Variants in SDK1 observed in about 807,000 individuals in gnomAD.
The protein encoded by SDK1 is protein sidekick-1.
Under a neutral mutation model 245.5 loss-of-function variants are expected in SDK1, and 157 were observed. The observed-to-expected ratio is 0.64, with a 90% CI of 0.56 to 0.73. SDK1 has a LOEUF of 0.73. SDK1 is among the 30% of genes least tolerant of loss of function. The pLI is 0.00. For synonymous variants in SDK1, 1,647 were observed against 1,278.5 expected, an observed-to-expected ratio of 1.29 and a Z score of -6.15; for missense variants, 3,583 against 3,002.3, an observed-to-expected ratio of 1.19 and a Z score of -4.52.
chr7:3,674,076 GA>G (rs375316817), intron 4 of SDK1, among the ~76,000 whole-genome samples: 32 of 152,088 alleles, frequency 2.1e-4, no homozygotes, highest in African/African-American at 7.7e-4. Context: ...GAGAATAGGA[GA>G]AAAAAACATC....
At chr7:3,806,508 G>C (rs1243796205) in intron 4 of SDK1, among the ~76,000 whole-genome samples, 1 of 152,238 alleles carries the variant, frequency 6.6e-6, no homozygotes, top group Non-Finnish European at 1.5e-5. Flanking sequence ...TCTCCACCCA[G>C]CAGAGACCGT....
chr7:3,693,347 A>T (rs1784486165), intron 4 of SDK1, among the ~76,000 whole-genome samples: 1 of 152,162 alleles, frequency 6.6e-6, no homozygotes, highest in South Asian at 2.1e-4. Context: ...ATTGTTTCAT[A>T]GTGTTACTTC....
At chr7:3,498,293 T>C (rs1782086399) in intron 1 of SDK1, among the ~76,000 whole-genome samples, 1 of 152,120 alleles carries the variant, frequency 6.6e-6, no homozygotes, top group South Asian at 2.1e-4. Context: ...TTTGCTAGAG[T>C]TTAAAACTTA....
chr7:4,262,122 C>T (rs1222091008), intron 44 of SDK1, among the ~76,000 whole-genome samples: 1 of 136,762 alleles, frequency 7.3e-6, no homozygotes, highest in African/African-American at 2.7e-5. Flanking sequence ...CTCAAGAATC[C>T]CTTGAACCCG....
At chr7:3,498,039 AAACT>A (rs1782079743) in intron 1 of SDK1, among the ~76,000 whole-genome samples, 2 of 152,226 alleles carry the variant, frequency 1.3e-5, no homozygotes, top group Admixed American at 6.5e-5. Flanking sequence ...TGATTTAAAG[AAACT>A]AACACTCCAA....
In SDK1 at chr7:3,872,154, T is replaced by G. The variant is rs115436667; in HGVS notation, c.847+50571T>G. The stretch of plus-strand genomic sequence containing the variant: ...ATGAATCCCAATTGGTAATAATATG[T>G]TATTCTTTCGTGTACTTTTATATAT... On this transcript the variant is annotated intron_variant, in intron 5 of 44. Coordinates refer to ENST00000404826, the MANE Select transcript of SDK1 (RefSeq NM_152744.4). Among the ~76,000 whole-genome samples the G allele has an allele frequency of 2.6e-5, 4 of 152,288 alleles. No homozygotes were observed. The South Asian group carries it at 8.3e-4, about 32-fold the overall frequency.
chr7:3,667,225 T>A (rs1972765), intron 4 of SDK1, among the ~76,000 whole-genome samples: 51,894 of 152,122 alleles, frequency 0.34, 8,974 homozygotes, highest in East Asian at 0.38. Flanking sequence ...TGTGTTCAAA[T>A]GTAATTTTAT....
chr7:3,784,205 C>T (rs564374798), intron 4 of SDK1, among the ~76,000 whole-genome samples: 44 of 151,604 alleles, frequency 2.9e-4, no homozygotes, highest in Non-Finnish European at 5.0e-4. Flanking sequence ...AGGCATGACC[C>T]CCATGCCTGG....
chr7:3,962,547 C>A, intron 8 of SDK1, 110 bp from the exon 9 acceptor site: 1 of 988,048 alleles, frequency 1.0e-6, no homozygotes, highest in Non-Finnish European at 1.5e-6. Context: ...CACGAATACA[C>A]AAGAAAATGC....
rs773096991 is a variant in SDK1, at chr7:3,437,511, C to CT, written c.298+135629dup. Among the ~76,000 whole-genome samples, 182 of 152,138 alleles carry CT rather than the reference C, an allele frequency of 1.2e-3. 3 individuals are homozygous for CT. Among genetic ancestry groups the CT allele is most frequent in the Non-Finnish European group, 4.0e-4 (27 of 68,030 alleles). On this transcript the variant is annotated intron_variant, in intron 1 of 44. Transcript: ENST00000404826. ...GATCGGCTGGGTGCAGTGGCTCACA[C>CT]TTGTAATCTCAGAGCTTTGGGAAGC... is the stretch of plus-strand genomic sequence containing the variant.
chr7:4,189,706 C>T lies in SDK1; in HGVS notation c.5098+11120C>T, dbSNP rs139515242. On this transcript the variant is annotated intron_variant, in intron 35 of 44. Coordinates refer to ENST00000404826, the MANE Select transcript of SDK1 (RefSeq NM_152744.4). ...AAATACAAAAATTAGCTGGATATCG[C>T]TTGAACCCAGGAAGCAGAGGTTGTA... Among the ~76,000 whole-genome samples, 356 of 152,262 alleles carry T rather than the reference C, an allele frequency of 2.3e-3. 1 individual carries two copies. The highest frequency in any genetic ancestry group is 7.7e-3 in the African/African-American group (318 of 41,544).
intron 5 of SDK1, among the ~76,000 whole-genome samples, chr7:3,878,993 A>C (rs540308054): frequency 7.9e-5 from 12 of 152,316 alleles, no homozygotes; most frequent in African/African-American, 2.6e-4. Flanking sequence ...ATAATGAAAA[A>C]TGTAAAATTG....
intron 2 of SDK1, among the ~76,000 whole-genome samples, chr7:3,630,132 G>A (rs936389357): frequency 2.6e-5 from 4 of 152,184 alleles, no homozygotes; most frequent in Non-Finnish European, 5.9e-5. Flanking sequence ...CAAATGAGTT[G>A]TGGGAAAGCT....
intron 40 of SDK1, among the ~76,000 whole-genome samples, chr7:4,225,078 C>G (rs1206231570): frequency 6.6e-6 from 1 of 150,798 alleles, no homozygotes; most frequent in East Asian, 2.0e-4. Flanking sequence ...TCCCTGAACG[C>G]CTGCCTCCCT....
chr7:3,533,646 A>C (rs1783422292), intron 1 of SDK1, among the ~76,000 whole-genome samples: 1 of 151,984 alleles, frequency 6.6e-6, no homozygotes, highest in African/African-American at 2.4e-5. Context: ...TTTTGGTATT[A>C]TTTCTTTGAT....
intron 4 of SDK1, among the ~76,000 whole-genome samples, chr7:3,804,395 C>A (rs1009293017): frequency 2.6e-5 from 4 of 152,080 alleles, no homozygotes; most frequent in African/African-American, 9.7e-5. Context: ...ATCTTTTGGC[C>A]CTACTGTTAC....
chr7:3,426,431 C>T (rs188144268), intron 1 of SDK1, among the ~76,000 whole-genome samples: 366 of 152,252 alleles, frequency 2.4e-3, no homozygotes, highest in Non-Finnish European at 3.9e-3. Context: ...GCTGTGCCAC[C>T]CTAGGCAAGT....
At chr7:3,860,779 C>G (rs1015774156) in intron 5 of SDK1, among the ~76,000 whole-genome samples, 4 of 152,140 alleles carry the variant, frequency 2.6e-5, no homozygotes, top group African/African-American at 2.4e-5. Context: ...TAATGCCGCA[C>G]CTGACACTGT....
At chr7:3,647,686 T>C (rs2128654684) in intron 4 of SDK1, among the ~76,000 whole-genome samples, 1 of 152,266 alleles carries the variant, frequency 6.6e-6, no homozygotes, top group Non-Finnish European at 1.5e-5. Flanking sequence ...CGCCTCTGCC[T>C]CCCAAAGTGC....
Sources: gnomAD v4.1 joint callset for allele counts (sites outside exome capture counted in the v4.1 genomes callset) on GRCh38, gnomAD v4.1.1 for gene constraint, MANE v1.5 for transcripts, NCBI Gene and HGNC (gene_info 2026-07-23, HGNC 2026-07-21) for gene names.